Variants in SIK2 observed in about 807,000 individuals in gnomAD.
The protein encoded by SIK2 is serine/threonine-protein kinase SIK2.
In SIK2, 29 loss-of-function variants were observed where a neutral mutation model predicts 103.2. The observed-to-expected ratio is 0.28, with a 90% CI of 0.21 to 0.38. The LOEUF is 0.38. SIK2 is among the 10% of genes least tolerant of loss of function. The pLI, the probability that SIK2 is intolerant of heterozygous loss-of-function variation, is 1.00. For missense variants in SIK2, 879 were observed against 1,171.0 expected (o/e 0.75, Z 3.64); for synonymous variants, 412 against 446.1 (o/e 0.92, Z 0.96).
Position 111,729,202 on chromosome 11 carries a change from C to T in SIK2, c.*5073C>T, listed in dbSNP as rs944427510. 2 of 152,212 alleles carry T rather than the reference C, an allele frequency of 1.3e-5. No homozygotes were observed. Among genetic ancestry groups the T allele is most frequent in the African/African-American group, 4.8e-5 (2 of 41,440 alleles). 9.4% of individuals were successfully genotyped at this position (152,212 alleles called of 1,614,324 possible). A position where few individuals can be genotyped will look rare whatever the true frequency, so the allele number is the denominator to read the frequency against. On this transcript the variant is annotated 3_prime_UTR_variant, in exon 15 of 15. Transcript: ENST00000304987. ...AGAAGACAGCCATCCTACGTGCACC[C>T]CCACCTTGTGTCCACATCTTCTCCA...
intron 3 of SIK2, among the ~76,000 whole-genome samples, chr11:111,635,411 A>G (rs1360724133): frequency 8.0e-6 from 1 of 125,654 alleles, no homozygotes; most frequent in African/African-American, 2.9e-5. Flanking sequence ...AAAGGAAGGA[A>G]GGAGGGAGGG....
chr11:111,605,348 A>T (rs1321261894), intron 1 of SIK2, among the ~76,000 whole-genome samples: 1 of 152,188 alleles, frequency 6.6e-6, no homozygotes, highest in East Asian at 1.9e-4. Context: ...TTATTCGTTC[A>T]TTCACTGGAT....
chr11:111,647,854 C>T (rs1280684089), intron 3 of SIK2, among the ~76,000 whole-genome samples: 6 of 151,812 alleles, frequency 4.0e-5, no homozygotes, highest in African/African-American at 7.3e-5. Context: ...GGTGACAGTG[C>T]GAGACTCTGT....
chr11:111,715,589 T>C (rs1201851697), intron 9 of SIK2, among the ~76,000 whole-genome samples: 2 of 152,140 alleles, frequency 1.3e-5, no homozygotes, highest in South Asian at 2.1e-4. Flanking sequence ...CAAAAAAATA[T>C]TGCCTTTCTG....
In SIK2 at chr11:111,705,588, G is replaced by C. The variant is rs1368767083; in HGVS notation, c.1101+449G>C. Among the ~76,000 whole-genome samples the C allele has an allele frequency of 1.3e-5, 2 of 152,146 alleles. No homozygotes were observed. The highest frequency in any genetic ancestry group is 2.4e-5 in the African/African-American group (1 of 41,444). ...AAGATGAGAGCTGTAGCAGAGCAGG[G>C]ACAGGGGAGAGAGGGGCACATCTGA... On this transcript the variant is annotated intron_variant, in intron 8 of 14. Transcript: ENST00000304987. The surrounding 1 kb of genome is among the most constrained non-coding windows in gnomAD (Gnocchi z 4.3).
In SIK2 at chr11:111,602,762, G is replaced by T; in HGVS notation, c.135+64G>T. On this transcript the variant is annotated intron_variant, in intron 1 of 14. Coordinates refer to ENST00000304987, the MANE Select transcript of SIK2 (RefSeq NM_015191.3). This position sits in a 1 kb window ranked among gnomAD's most constrained non-coding sequence, Gnocchi z 4.5. ...GTTCGGGAGAGGAGCTGCTTACCGA[G>T]AGGGGCGGCCGCAGTGGTGGGACCG... 1 of 1,425,280 alleles carries T rather than the reference G, an allele frequency of 7.0e-7. No individual in the cohort carries two copies. The allele number at this position is 1,425,280 out of a possible 1,614,324, so 88.3% of individuals were successfully genotyped here. A position where few individuals can be genotyped will look rare whatever the true frequency, so the allele number is the denominator to read the frequency against.
At position 111,682,350 on chromosome 11, in the gene SIK2, G is replaced by C. The variant is rs73560686; in HGVS notation, c.317-5651G>C. The stretch of plus-strand genomic sequence containing the variant: ...GACAGTGGCATAGGAAAAAGGGGGA[G>C]GGTGAGAGTAAGGGTACTGTTCCAG... On this transcript the variant is annotated intron_variant, in intron 3 of 14. Coordinates refer to ENST00000304987, the MANE Select transcript of SIK2 (RefSeq NM_015191.3). Among the ~76,000 whole-genome samples the C allele has an allele frequency of 9.2e-3, 1,406 of 152,258 alleles. 31 individuals are homozygous for C. The highest frequency in any genetic ancestry group is 0.032 in the African/African-American group (1,321 of 41,548).
chr11:111,686,969 A>G (rs1476710753), intron 3 of SIK2, among the ~76,000 whole-genome samples: 1 of 152,254 alleles, frequency 6.6e-6, no homozygotes, highest in Non-Finnish European at 1.5e-5. Flanking sequence ...GGTTTGTATA[A>G]TAATTGCATG....
At chr11:111,610,277 G>A (rs1424371213) in intron 1 of SIK2, among the ~76,000 whole-genome samples, 1 of 152,120 alleles carries the variant, frequency 6.6e-6, no homozygotes, top group South Asian at 2.1e-4. Flanking sequence ...ATTGCTTGAG[G>A]TGACGAGTTT....
At chr11:111,651,645 T>A (rs1042029446) in intron 3 of SIK2, among the ~76,000 whole-genome samples, 1 of 152,226 alleles carries the variant, frequency 6.6e-6, no homozygotes, top group African/African-American at 2.4e-5. Context: ...TTTACCTGTG[T>A]AACAAACCTG....
At chr11:111,723,019 GC>G (rs1330486810) in intron 14 of SIK2, among the ~76,000 whole-genome samples, 3 of 152,166 alleles carry the variant, frequency 2.0e-5, no homozygotes, top group African/African-American at 7.2e-5. Context: ...CTAGCTCCAA[GC>G]TTTCACAGTC....
rs1167217603 is a variant in SIK2 at position 111,728,046 on chromosome 11, C to A, written c.*3917C>A. ...TTCGACCTCCTATAGAGACAATATG[C>A]AGTGTGTCATTTCACAGTCTCAGTC... On this transcript the variant is annotated 3_prime_UTR_variant, in exon 15 of 15. Coordinates refer to ENST00000304987, the MANE Select transcript of SIK2 (RefSeq NM_015191.3). 1 of 152,184 alleles carries A rather than the reference C, an allele frequency of 6.6e-6. No homozygotes were observed. The highest frequency in any genetic ancestry group is 1.9e-4 in the East Asian group (1 of 5,198). 9.4% of individuals were successfully genotyped at this position (152,184 alleles called of 1,614,324 possible).
rs150170746 is a variant in SIK2 at position 111,652,429 on chromosome 11, G to A, written c.316+32027G>A. Among the ~76,000 whole-genome samples, 32 of 152,204 alleles carry A rather than the reference G, an allele frequency of 2.1e-4. 1 individual carries two copies. In the East Asian group the frequency reaches 4.0e-3, roughly 19 times the overall value. ...AGTTTGCAGTTTTGCCAAGAATTGC[G>A]GTGAGAGATTGTATGTCATTAATTT... On this transcript the variant is annotated intron_variant, in intron 3 of 14. Coordinates refer to ENST00000304987, the MANE Select transcript of SIK2 (RefSeq NM_015191.3).
At chr11:111,611,900 C>T (rs988076249) in intron 1 of SIK2, among the ~76,000 whole-genome samples, 1 of 152,096 alleles carries the variant, frequency 6.6e-6, no homozygotes, top group African/African-American at 2.4e-5. Flanking sequence ...TCATTCTAAT[C>T]CTTAAAAGGA....
At position 111,729,516 on chromosome 11, in the gene SIK2, G is replaced by T. The variant is rs1426171448; in HGVS notation, c.*5387G>T. On this transcript the variant is annotated 3_prime_UTR_variant, in exon 15 of 15. Transcript: ENST00000304987. ...TTTGGGAAGTTTGTGACTTCTCTGAGATCACAGCTGGTGATAGAAGGAGCT... is the reference window on the plus strand; with the variant it reads ...TTTGGGAAGTTTGTGACTTCTCTGATATCACAGCTGGTGATAGAAGGAGCT... 1 of 152,270 alleles carries T rather than the reference G, an allele frequency of 6.6e-6. No homozygotes were observed. The highest frequency in any genetic ancestry group is 1.5e-5 in the Non-Finnish European group (1 of 68,056). The allele number at this position is 152,270 out of a possible 1,614,324, so 9.4% of individuals were successfully genotyped here. A position where few individuals can be genotyped will look rare whatever the true frequency, so the allele number is the denominator to read the frequency against.
At chr11:111,655,297 GA>G (rs1344919946) in intron 3 of SIK2, among the ~76,000 whole-genome samples, 1 of 152,138 alleles carries the variant, frequency 6.6e-6, no homozygotes, top group African/African-American at 2.4e-5. Context: ...AGCTACTCAA[GA>G]GGCTGAGAGG....
chr11:111,655,550 G>A (rs1942380890), intron 3 of SIK2, among the ~76,000 whole-genome samples: 1 of 152,098 alleles, frequency 6.6e-6, no homozygotes. Flanking sequence ...AAAATCTGTG[G>A]GGATAATCTG....
At position 111,719,886 on chromosome 11, in the gene SIK2, G is replaced by A; in HGVS notation, c.1378G>A (p.Gly460Arg). Reference sequence around the variant, plus strand: ...CATTGACGAAGGGCTGGAGACAGAAGGAGAGGCCGAGGAAGACCCCGCTCA... The same window carrying A: ...CATTGACGAAGGGCTGGAGACAGAAAGAGAGGCCGAGGAAGACCCCGCTCA... ...TSIDEGLETEGEAEEDPAHAF... is the reference protein window; with the variant it reads ...TSIDEGLETEREAEEDPAHAF... Residue 460 changes from glycine to arginine, a missense_variant, in exon 10 of 15, where the codon GGA becomes AGA. By Grantham distance (125) the Gly-to-Arg change is moderately radical. Coordinates refer to ENST00000304987, the MANE Select transcript of SIK2 (RefSeq NM_015191.3). 3 of 1,614,158 alleles carry A rather than the reference G, an allele frequency of 1.9e-6. No homozygotes were observed. The highest frequency in any genetic ancestry group is 2.5e-6 in the Non-Finnish European group (3 of 1,180,032).
rs1943963279 is a variant in SIK2 at position 111,726,279 on chromosome 11, C to G, written c.*2150C>G. 6.6e-6 allele frequency: 1 copy of G among 152,190 alleles called. No individual in the cohort carries two copies. Among genetic ancestry groups the G allele is most frequent in the African/African-American group, 2.4e-5 (1 of 41,432 alleles). 9.4% of individuals were successfully genotyped at this position (152,190 alleles called of 1,614,324 possible). On this transcript the variant is annotated 3_prime_UTR_variant, in exon 15 of 15. Coordinates refer to ENST00000304987, the MANE Select transcript of SIK2 (RefSeq NM_015191.3). ...ACAGATCGACATAAACTCCTGCCCC[C>G]CAACAATGCCATGAGCTGCTTAGCC... is the stretch of plus-strand genomic sequence containing the variant.
Sources: gnomAD v4.1 joint callset for allele counts (sites outside exome capture counted in the v4.1 genomes callset) on GRCh38, gnomAD v4.1.1 for gene constraint, Gnocchi (gnomAD v3.1) non-coding constraint, MANE v1.5 for transcripts, NCBI Gene and HGNC (gene_info 2026-07-23, HGNC 2026-07-21) for gene names.